The following PTPRM variants were observed in gnomAD, a reference collection of about 807,000 sequenced individuals.
The protein encoded by PTPRM is protein tyrosine phosphatase receptor type M.
PTPRM carries 47 observed loss-of-function variants against 186.7 expected under a neutral mutation model. That is an observed-to-expected ratio of 0.25 (90% CI 0.20 to 0.32). The LOEUF is 0.32. PTPRM is among the 10% of genes least tolerant of loss of function. The pLI is 1.00. For synonymous variants in PTPRM, 668 were observed against 674.9 expected (o/e 0.99, Z 0.16); for missense variants, 1,494 against 1,865.0 (o/e 0.80, Z 3.66).
At chr18:7,990,422 A>G (rs1037340150) in intron 7 of PTPRM, among the ~76,000 whole-genome samples, 5 of 152,328 alleles carry the variant, frequency 3.3e-5, no homozygotes, top group African/African-American at 1.2e-4. Context: ...ATGTTGACTT[A>G]CTTTGGATAA....
At chr18:8,376,437 C>T in intron 25 of PTPRM, 25 bp from the exon 26 acceptor site, 1 of 1,614,086 alleles carries the variant, frequency 6.2e-7, no homozygotes, top group Non-Finnish European at 8.5e-7. Context: ...TCTTCCTCCA[C>T]TGACAGACCC....
At chr18:7,747,524 G>C (rs1220616425) in intron 1 of PTPRM, 1 of 152,210 alleles carries the variant, frequency 6.6e-6, no homozygotes, top group Non-Finnish European at 1.5e-5. Flanking sequence ...TCCTTTGGAG[G>C]GCTGTGAGGG....
intron 19 of PTPRM, among the ~76,000 whole-genome samples, chr18:8,280,947 T>C (rs767837412): frequency 6.6e-5 from 10 of 152,158 alleles, no homozygotes; most frequent in Non-Finnish European, 1.2e-4. Context: ...ATATTAGAGA[T>C]GTGAAGAAAA....
chr18:8,380,076 ATTAAG>A (rs1451450525), intron 28 of PTPRM, among the ~76,000 whole-genome samples: 1 of 152,246 alleles, frequency 6.6e-6, no homozygotes, highest in Admixed American at 6.5e-5. Context: ...AGAGATACTA[ATTAAG>A]TTTTCTTGGT....
intron 1 of PTPRM, among the ~76,000 whole-genome samples, chr18:7,700,253 A>C (rs776541410): frequency 1.3e-5 from 2 of 152,226 alleles, no homozygotes; most frequent in Non-Finnish European, 2.9e-5. Context: ...TAAGACTCTC[A>C]GTGCTGAGAG....
chr18:7,922,387 G>C (rs965469616), intron 4 of PTPRM, among the ~76,000 whole-genome samples: 1 of 152,196 alleles, frequency 6.6e-6, no homozygotes, highest in African/African-American at 2.4e-5. Flanking sequence ...TCTCCCTTCA[G>C]GCACTTTCGA....
intron 20 of PTPRM, among the ~76,000 whole-genome samples, chr18:8,297,520 A>C (rs571851187): frequency 6.6e-6 from 1 of 152,340 alleles, no homozygotes; most frequent in Admixed American, 6.5e-5. Context: ...ACATAGGAGT[A>C]GCTGCACTGT....
At chr18:8,289,541 T>TATATATACATATATATATACAC (rs1568674720) in intron 19 of PTPRM, among the ~76,000 whole-genome samples, 12 of 81,214 alleles carry the variant, frequency 1.5e-4, no homozygotes, top group African/African-American at 7.1e-4. Flanking sequence ...TATACACATA[T>TATATATACATATATATATACAC]ATATATATAC....
At chr18:8,150,388 A>G (rs1314056352) in intron 14 of PTPRM, among the ~76,000 whole-genome samples, 2 of 151,642 alleles carry the variant, frequency 1.3e-5, no homozygotes, top group Non-Finnish European at 2.9e-5. Context: ...ACTTTATTTC[A>G]TTAAGTTGAT....
At chr18:7,684,879 T>A (rs1272423364) in intron 1 of PTPRM, among the ~76,000 whole-genome samples, 2 of 152,194 alleles carry the variant, frequency 1.3e-5, no homozygotes, top group Admixed American at 6.5e-5. Flanking sequence ...GTGGGATTGC[T>A]GGATCATATG....
At chr18:8,116,853 C>G (rs1324324843) in intron 13 of PTPRM, among the ~76,000 whole-genome samples, 3 of 152,174 alleles carry the variant, frequency 2.0e-5, no homozygotes, top group Admixed American at 1.3e-4. Flanking sequence ...ATATTCCCCA[C>G]TCCTATTTTC....
intron 1 of PTPRM, among the ~76,000 whole-genome samples, chr18:7,685,161 A>G (rs1468251840): frequency 1.3e-5 from 2 of 152,166 alleles, no homozygotes; most frequent in Non-Finnish European, 2.9e-5. Flanking sequence ...GGGTAAGTGC[A>G]TTTTTAAAAT....
rs997077335 is a variant in PTPRM at position 7,567,868 on chromosome 18, C to T, written c.50C>T (p.Thr17Ile). 2.6e-6 allele frequency: 4 copies of T among 1,561,888 alleles called. No individual in the cohort carries two copies. In the African/African-American group the frequency reaches 4.3e-5, roughly 17 times the overall value. ...GCGACTTTGGCCGGACTTTTGCTAACTGCGGCGGGCGAGACGTTCTCAGGT... is the reference window on the plus strand; with the variant it reads ...GCGACTTTGGCCGGACTTTTGCTAATTGCGGCGGGCGAGACGTTCTCAGGT... ...CLATLAGLLL[T>I]AAGETFSGGC... The change falls in exon 1 of 33, where the codon ACT becomes ATT. Residue 17 changes from threonine (T) to isoleucine (I), a missense_variant. Thr to Ile is a moderately conservative substitution (Grantham distance 89). Transcript: ENST00000580170. This position sits in a 1 kb window ranked among gnomAD's most constrained non-coding sequence, Gnocchi z 4.3.
intron 7 of PTPRM, chr18:7,995,449 C>G (rs1411012563): frequency 6.6e-6 from 1 of 152,020 alleles, no homozygotes; most frequent in Non-Finnish European, 1.5e-5. Flanking sequence ...ACCCTGATAC[C>G]AAAACCAGAC....
At chr18:8,385,831 G>C (rs1335696859) in intron 30 of PTPRM, among the ~76,000 whole-genome samples, 1 of 152,236 alleles carries the variant, frequency 6.6e-6, no homozygotes, top group Non-Finnish European at 1.5e-5. Flanking sequence ...CTGGAGGAGA[G>C]AGGCATCAGG....
intron 4 of PTPRM, among the ~76,000 whole-genome samples, chr18:7,915,732 A>G (rs12604721): frequency 0.15 from 23,290 of 152,178 alleles, 1,909 homozygotes; most frequent in Middle Eastern, 0.34. Flanking sequence ...GGAGATAATA[A>G]AGGACTGAAG....
In PTPRM at chr18:7,955,248, G is replaced by A. The variant is rs781288199; in HGVS notation, c.966G>A (p.Thr322=). Residue 322 remains threonine (T), a synonymous_variant, in exon 7 of 33, where the codon ACG becomes ACA. Transcript: ENST00000580170. The part of the protein sequence containing the change: ...PIVAREVEYC[T]ASGSWNDRQP... The stretch of plus-strand genomic sequence containing the variant: ...TGGCCCGAGAGGTGGAGTACTGCAC[G>A]GCCAGTGGGAGCTGGAATGACCGGC... The A allele has an allele frequency of 2.5e-5, 41 of 1,613,970 alleles. No homozygotes were observed. The highest frequency in any genetic ancestry group is 3.3e-5 in the Admixed American group (2 of 59,992).
At chr18:7,849,659 A>G (rs1741817896) in intron 2 of PTPRM, among the ~76,000 whole-genome samples, 1 of 152,186 alleles carries the variant, frequency 6.6e-6, no homozygotes, top group African/African-American at 2.4e-5. Context: ...TACTTTTTGG[A>G]AATACTTTAA....
intron 8 of PTPRM, among the ~76,000 whole-genome samples, chr18:8,074,693 T>C (rs1187695779): frequency 1.3e-5 from 2 of 152,316 alleles, no homozygotes; most frequent in East Asian, 3.9e-4. Context: ...TGACTATTTG[T>C]TTGTCTTTTT....
Sources: gnomAD v4.1 joint callset for allele counts (sites outside exome capture counted in the v4.1 genomes callset) on GRCh38, gnomAD v4.1.1 for gene constraint, Gnocchi (gnomAD v3.1) non-coding constraint, MANE v1.5 for transcripts, NCBI Gene and HGNC (gene_info 2026-07-23, HGNC 2026-07-21) for gene names.